SPMIP11: variants seen among roughly 807,000 people sequenced by gnomAD.
The protein encoded by SPMIP11 is long intergenic non-protein coding RNA 935.
the SPMIP11 span, among the ~76,000 whole-genome samples, chr12:48,754,773 G>A: frequency 2.7e-5 from 4 of 150,160 alleles, no homozygotes; most frequent in Admixed American, 6.6e-5. Context: ...TTGAGGCAGG[G>A]TCTTGCTCTG....
At chr12:48,742,285 T>TTTTTTTTTTTTTTTTTTC in the SPMIP11 span, among the ~76,000 whole-genome samples, 1 of 140,900 alleles carries the variant, frequency 7.1e-6, no homozygotes, top group African/African-American at 2.6e-5. Flanking sequence ...TTCCTTTTTT[T>TTTTTTTTTTTTTTTTTTC]TTTTTTTTTT....
At chr12:48,756,622 A>C in the SPMIP11 span, among the ~76,000 whole-genome samples, 1 of 152,180 alleles carries the variant, frequency 6.6e-6, no homozygotes, top group Non-Finnish European at 1.5e-5. Context: ...AATCCTCGGC[A>C]ATTTCCAAAG....
At chr12:48,728,220 T>C in the SPMIP11 span, among the ~76,000 whole-genome samples, 1 of 152,150 alleles carries the variant, frequency 6.6e-6, no homozygotes, top group African/African-American at 2.4e-5. Context: ...GAAAGATAAG[T>C]GTGCAAACAA....
chr12:48,751,378 C>T, the SPMIP11 span, among the ~76,000 whole-genome samples: 2 of 152,154 alleles, frequency 1.3e-5, no homozygotes, highest in African/African-American at 4.8e-5. Flanking sequence ...CTTTGGGAGG[C>T]TTAGGCAAAA....
chr12:48,758,676 CCTT>C, the SPMIP11 span, among the ~76,000 whole-genome samples: 1 of 152,192 alleles, frequency 6.6e-6, no homozygotes, highest in East Asian at 1.9e-4. Context: ...CATCTCCTGT[CCTT>C]CTCCTCTTCA....
the SPMIP11 span, among the ~76,000 whole-genome samples, chr12:48,745,565 C>T: frequency 1.3e-5 from 2 of 152,124 alleles, no homozygotes; most frequent in African/African-American, 4.8e-5. Context: ...GAGATTGCAC[C>T]TCCCAGCCTG....
chr12:48,736,694 C>T, the SPMIP11 span, among the ~76,000 whole-genome samples: 52 of 139,844 alleles, frequency 3.7e-4, no homozygotes, highest in African/African-American at 1.4e-3. Flanking sequence ...TTTCCTGGGT[C>T]GCATGTTTTT....
the SPMIP11 span, among the ~76,000 whole-genome samples, chr12:48,752,669 CTTTTTTTTTTT>C: frequency 8.4e-6 from 1 of 119,294 alleles, no homozygotes; most frequent in African/African-American, 3.2e-5. Context: ...CCTATTTATT[CTTTTTTTTTTT>C]TTTTTTTTTT....
the SPMIP11 span, among the ~76,000 whole-genome samples, chr12:48,761,941 C>T: frequency 2.0e-5 from 3 of 150,168 alleles, no homozygotes; most frequent in Non-Finnish European, 3.0e-5. Context: ...ACACAGCGAT[C>T]CTCCTGCCTC....
the SPMIP11 span, among the ~76,000 whole-genome samples, chr12:48,736,413 CAAAA>C: frequency 2.8e-5 from 2 of 71,814 alleles, no homozygotes. Flanking sequence ...GACTCTGTCT[CAAAA>C]AAAAAAAAAA....
chr12:48,732,082 G>C, the SPMIP11 span, among the ~76,000 whole-genome samples: 1 of 151,258 alleles, frequency 6.6e-6, no homozygotes, highest in Non-Finnish European at 1.5e-5. Context: ...CTGGGAGGTG[G>C]AGGTTGCAAC....
At chr12:48,728,707 C>CA in the SPMIP11 span, among the ~76,000 whole-genome samples, 1,694 of 70,326 alleles carry the variant, frequency 0.024, 28 homozygotes, top group African/African-American at 0.043. Context: ...GACTCTGTCT[C>CA]AAAAAAAAAA....
the SPMIP11 span, among the ~76,000 whole-genome samples, chr12:48,731,577 A>T: frequency 6.6e-6 from 1 of 152,180 alleles, no homozygotes; most frequent in Non-Finnish European, 1.5e-5. Flanking sequence ...TAACTTTGCT[A>T]ATGGCCAGAA....
the SPMIP11 span, among the ~76,000 whole-genome samples, chr12:48,754,001 C>CAT: frequency 6.6e-6 from 1 of 152,104 alleles, no homozygotes; most frequent in Non-Finnish European, 1.5e-5. Context: ...CTGTCTCCGG[C>CAT]TTTTCAAACA....
chr12:48,727,545 C>A, the SPMIP11 span: 27 of 702,788 alleles, frequency 3.8e-5, no homozygotes, highest in South Asian at 3.4e-4. Flanking sequence ...AAAAGGAACA[C>A]AACTGAAGAA....
the SPMIP11 span, among the ~76,000 whole-genome samples, chr12:48,747,020 T>G: frequency 6.6e-6 from 1 of 152,184 alleles, no homozygotes; most frequent in Non-Finnish European, 1.5e-5. Flanking sequence ...CTTCAGATGG[T>G]ACAGTTTTCT....
chr12:48,759,802 A>G, the SPMIP11 span, among the ~76,000 whole-genome samples: 1 of 152,052 alleles, frequency 6.6e-6, no homozygotes, highest in South Asian at 2.1e-4. Flanking sequence ...CGATATGATA[A>G]AATGAAAAAA....
chr12:48,752,076 AAAAC>A, the SPMIP11 span, among the ~76,000 whole-genome samples: 8 of 151,470 alleles, frequency 5.3e-5, 1 homozygote, highest in Admixed American at 1.3e-4. Context: ...CAAAAAAAAA[AAAAC>A]AAACAAACAA....
chr12:48,735,093 G>A, the SPMIP11 span, among the ~76,000 whole-genome samples: 2 of 151,704 alleles, frequency 1.3e-5, no homozygotes, highest in African/African-American at 2.4e-5. Flanking sequence ...GGAGCTGAGA[G>A]TGGCCCCTGG....
Sources: gnomAD v4.1 joint callset for allele counts (sites outside exome capture counted in the v4.1 genomes callset) on GRCh38, gnomAD v4.1.1 for gene constraint, MANE v1.5 for transcripts, NCBI Gene and HGNC (gene_info 2026-07-23, HGNC 2026-07-21) for gene names.